ST8SIA6: variants seen among roughly 807,000 people sequenced by gnomAD.
ST8SIA6 encodes ST8 alpha-N-acetyl-neuraminide alpha-2,8-sialyltransferase 6.
Under a neutral mutation model 33.6 loss-of-function variants are expected in ST8SIA6, and 39 were observed. The observed-to-expected ratio is 1.16, with a 90% CI of 0.90 to 1.52. The LOEUF is 1.52. ST8SIA6 is among the 40% of genes most tolerant of loss of function. The pLI is 0.00. For synonymous variants in ST8SIA6, 172 were observed against 167.2 expected (o/e 1.03, Z -0.22); for missense variants, 441 against 443.8 (o/e 0.99, Z 0.06).
At position 17,327,004 on chromosome 10, in the gene ST8SIA6, C is replaced by T. The variant is rs369571502; in HGVS notation, c.635+10G>A. Reference sequence around the variant, plus strand: ...TATTGTTTCAAAGAAACCAATTTGTCAGGTCTTACCTAAAAACGAAGTCGG... The same window carrying T: ...TATTGTTTCAAAGAAACCAATTTGTTAGGTCTTACCTAAAAACGAAGTCGG... On this transcript the variant is annotated intron_variant, in intron 6 of 7. Coordinates refer to ENST00000377602, the MANE Select transcript of ST8SIA6 (RefSeq NM_001004470.3). 103 of 1,575,238 alleles carry T rather than the reference C, an allele frequency of 6.5e-5. No homozygotes were observed. The highest frequency in any genetic ancestry group is 8.5e-5 in the Non-Finnish European group (98 of 1,159,430).
At chr10:17,348,878 A>G (rs1044410496) in intron 4 of ST8SIA6, among the ~76,000 whole-genome samples, 22 of 151,052 alleles carry the variant, frequency 1.5e-4, no homozygotes, top group Admixed American at 5.9e-4. Context: ...GCCCTTACTT[A>G]GCCCTAGTCA....
chr10:17,448,610 C>CTTG (rs76416073), intron 2 of ST8SIA6, among the ~76,000 whole-genome samples: 3 of 120,380 alleles, frequency 2.5e-5, no homozygotes, highest in East Asian at 2.0e-4. Context: ...TGTTGTTGTT[C>CTTG]TTGTTGTTGT....
chr10:17,341,697 G>A (rs182753393), intron 4 of ST8SIA6, among the ~76,000 whole-genome samples: 1,736 of 151,836 alleles, frequency 0.011, 17 homozygotes, highest in Non-Finnish European at 0.017. Flanking sequence ...TCAGGAGTTC[G>A]AGACCAGCCT....
intron 2 of ST8SIA6, among the ~76,000 whole-genome samples, chr10:17,431,743 A>G (rs1852109302): frequency 2.0e-5 from 3 of 152,004 alleles, no homozygotes; most frequent in Admixed American, 2.0e-4. Flanking sequence ...TTGGAAAAAA[A>G]AAAAAAAAAA....
At chr10:17,448,357 A>T (rs908418365) in intron 2 of ST8SIA6, among the ~76,000 whole-genome samples, 5 of 152,180 alleles carry the variant, frequency 3.3e-5, no homozygotes, top group Admixed American at 6.5e-5. Context: ...GCTGTCCAGG[A>T]CGTCACGGCC....
At chr10:17,408,731 GAGA>G (rs1246007142) in intron 2 of ST8SIA6, among the ~76,000 whole-genome samples, 1 of 151,906 alleles carries the variant, frequency 6.6e-6, no homozygotes, top group Non-Finnish European at 1.5e-5. Flanking sequence ...TGAATTTTGA[GAGA>G]AGAATTTTAT....
chr10:17,351,107 C>G (rs1358032008), intron 4 of ST8SIA6, among the ~76,000 whole-genome samples: 1 of 152,078 alleles, frequency 6.6e-6, no homozygotes, highest in Admixed American at 6.6e-5. Context: ...TGCCCCCACC[C>G]CAGCATCTCT....
intron 2 of ST8SIA6, among the ~76,000 whole-genome samples, chr10:17,432,761 G>A (rs965930479): frequency 1.3e-5 from 2 of 152,176 alleles, no homozygotes; most frequent in Admixed American, 6.5e-5. Context: ...TAGCTTAATA[G>A]TCAGACAAGA....
chr10:17,338,285 G>T (rs1027024590), intron 4 of ST8SIA6, among the ~76,000 whole-genome samples: 1 of 152,108 alleles, frequency 6.6e-6, no homozygotes, highest in African/African-American at 2.4e-5. Context: ...CGCTCGCCTC[G>T]GCCTCCCAAA....
At chr10:17,347,945 C>T (rs1400223172) in intron 4 of ST8SIA6, among the ~76,000 whole-genome samples, 2 of 102,974 alleles carry the variant, frequency 1.9e-5, no homozygotes, top group Non-Finnish European at 3.7e-5. Context: ...GATGGTGAGA[C>T]TCTGTCTCAA....
At chr10:17,335,648 TAAC>T (rs1288205253) in intron 4 of ST8SIA6, among the ~76,000 whole-genome samples, 1 of 152,136 alleles carries the variant, frequency 6.6e-6, no homozygotes, top group East Asian at 1.9e-4. Flanking sequence ...TCATGGAGAT[TAAC>T]AAAAGAGAAA....
At chr10:17,380,141 G>A (rs763952245) in intron 3 of ST8SIA6, among the ~76,000 whole-genome samples, 10 of 152,168 alleles carry the variant, frequency 6.6e-5, no homozygotes, top group Non-Finnish European at 1.2e-4. Context: ...CTGCTTCCAT[G>A]TCGATGGAAG....
rs181734812 is a variant in ST8SIA6 at position 17,435,476 on chromosome 10, A to G, written c.200+18083T>C. ...CTGTGTTTTGGCTTCTCCTTTGGTAAAATGAGAATATTACCAGTTCTACAT... is the reference window on the plus strand; with the variant it reads ...CTGTGTTTTGGCTTCTCCTTTGGTAGAATGAGAATATTACCAGTTCTACAT... On this transcript the variant is annotated intron_variant, in intron 2 of 7. Coordinates refer to ENST00000377602, the MANE Select transcript of ST8SIA6 (RefSeq NM_001004470.3). Among the ~76,000 whole-genome samples the G allele has an allele frequency of 5.3e-3, 813 of 152,358 alleles. 3 individuals are homozygous for G. Among genetic ancestry groups the G allele is most frequent in the Admixed American group, 0.01 (160 of 15,312 alleles).
intron 4 of ST8SIA6, among the ~76,000 whole-genome samples, chr10:17,346,798 C>CATCT (rs1055398039): frequency 5.9e-5 from 9 of 152,124 alleles, no homozygotes; most frequent in African/African-American, 1.7e-4. Context: ...AACAGTCTAT[C>CATCT]ATCTATCTAT....
intron 3 of ST8SIA6, among the ~76,000 whole-genome samples, chr10:17,383,135 T>A (rs1564434606): frequency 6.6e-6 from 1 of 152,312 alleles, no homozygotes; most frequent in East Asian, 1.9e-4. Flanking sequence ...CTTTTTTTTT[T>A]TAATACTTGA....
chr10:17,327,377 G>T (rs1411146099), intron 5 of ST8SIA6, among the ~76,000 whole-genome samples: 1 of 151,986 alleles, frequency 6.6e-6, no homozygotes, highest in African/African-American at 2.4e-5. Context: ...ACAAGGTCAG[G>T]AGTTCAACAC....
chr10:17,323,908 G>A (rs185661713), intron 6 of ST8SIA6, among the ~76,000 whole-genome samples: 4 of 152,190 alleles, frequency 2.6e-5, no homozygotes, highest in Admixed American at 2.6e-4. Context: ...TATACAGTCT[G>A]CCAGAAGCAA....
chr10:17,428,646 C>G (rs953348851), intron 2 of ST8SIA6, among the ~76,000 whole-genome samples: 4 of 151,748 alleles, frequency 2.6e-5, no homozygotes, highest in Non-Finnish European at 5.9e-5. Context: ...GAAGAGGAGG[C>G]GGCCAAGCAG....
chr10:17,429,883 T>C (rs764021687), intron 2 of ST8SIA6, among the ~76,000 whole-genome samples: 8 of 152,204 alleles, frequency 5.3e-5, no homozygotes, highest in Non-Finnish European at 7.3e-5. Context: ...CTTCCAAATA[T>C]TTATATTCTT....
Sources: gnomAD v4.1 joint callset for allele counts (sites outside exome capture counted in the v4.1 genomes callset) on GRCh38, gnomAD v4.1.1 for gene constraint, MANE v1.5 for transcripts, NCBI Gene and HGNC (gene_info 2026-07-23, HGNC 2026-07-21) for gene names.